ZNF536: variants seen among roughly 807,000 people sequenced by gnomAD.
The protein encoded by ZNF536 is zinc finger protein 536.
In ZNF536, 13 loss-of-function variants were observed where a neutral mutation model predicts 84.5. The ratio of observed to expected loss-of-function variants is 0.15; its 90% CI spans 0.10 to 0.24. ZNF536 has a LOEUF of 0.24. Ranked by LOEUF, ZNF536 falls within the 10% of genes least tolerant of loss-of-function variation. ZNF536 has a pLI of 1.00. For missense variants in ZNF536, 1,536 were observed against 1,747.5 expected (o/e 0.88, Z 2.16); for synonymous variants, 811 against 742.5 (o/e 1.09, Z -1.50).
chr19:30,636,487 C>CTCCT (rs2147288330), intron 1 of ZNF536, among the ~76,000 whole-genome samples: 1 of 152,292 alleles, frequency 6.6e-6, no homozygotes, highest in South Asian at 2.1e-4. Context: ...AAGAGGCTCC[C>CTCCT]TCCTTCCTTC....
chr19:30,240,171 C>G (rs1216904418), intron 1 of ZNF536, among the ~76,000 whole-genome samples: 1 of 152,060 alleles, frequency 6.6e-6, no homozygotes, highest in Non-Finnish European at 1.5e-5. Flanking sequence ...GAGATCGACA[C>G]CAGCCTGGCC....
chr19:30,668,353 C>T (rs1039349726), intron 1 of ZNF536, among the ~76,000 whole-genome samples: 1 of 152,144 alleles, frequency 6.6e-6, no homozygotes, highest in African/African-American at 2.4e-5. Context: ...ATCAGGGGCC[C>T]CTTCTAGAAT....
chr19:30,486,620 A>G (rs1291479296), intron 2 of ZNF536, among the ~76,000 whole-genome samples: 1 of 152,152 alleles, frequency 6.6e-6, no homozygotes. Flanking sequence ...TATACCTAGT[A>G]ATGAGATTGC....
intron 2 of ZNF536, among the ~76,000 whole-genome samples, chr19:30,484,691 T>C (rs955232567): frequency 2.0e-5 from 3 of 151,570 alleles, no homozygotes; most frequent in Non-Finnish European, 4.4e-5. Flanking sequence ...TCTTCTTTTT[T>C]TTTTTTTGTC....
At chr19:30,234,513 C>T (rs1364294624) in intron 1 of ZNF536, among the ~76,000 whole-genome samples, 4 of 151,352 alleles carry the variant, frequency 2.6e-5, no homozygotes, top group African/African-American at 4.9e-5. Flanking sequence ...GGGGTCCTCC[C>T]GCCTCAGCCT....
chr19:30,695,224 C>A (rs1184738666), intron 1 of ZNF536, among the ~76,000 whole-genome samples: 1 of 152,026 alleles, frequency 6.6e-6, no homozygotes, highest in African/African-American at 2.4e-5. Context: ...GGAGGTGTGG[C>A]CTGCACGGAG....
exon 2 of ZNF536, chr19:30,711,709 G>A (rs1376992164): frequency 6.6e-6 from 1 of 152,134 alleles, no homozygotes; most frequent in East Asian, 1.9e-4. Context: ...CAGGTTTGAT[G>A]AGTAATTCCT....
At chr19:30,514,792 G>A (rs1475764896) in intron 2 of ZNF536, among the ~76,000 whole-genome samples, 1 of 151,970 alleles carries the variant, frequency 6.6e-6, no homozygotes, top group Non-Finnish European at 1.5e-5. Context: ...GCAACGTGAG[G>A]ACCCCTCATT....
At chr19:30,406,548 T>G (rs962470726) in intron 1 of ZNF536, among the ~76,000 whole-genome samples, 2 of 152,180 alleles carry the variant, frequency 1.3e-5, no homozygotes, top group African/African-American at 4.8e-5. Flanking sequence ...GAAATGCGTA[T>G]TTTTAGCTCC....
At chr19:30,254,247 C>T (rs1310192289) in intron 1 of ZNF536, among the ~76,000 whole-genome samples, 6 of 152,192 alleles carry the variant, frequency 3.9e-5, no homozygotes, top group Non-Finnish European at 7.3e-5. Context: ...CACTATCTCT[C>T]CCCTGGTGCT....
chr19:30,463,773 T>C (rs896756965), intron 2 of ZNF536, among the ~76,000 whole-genome samples: 1 of 152,100 alleles, frequency 6.6e-6, no homozygotes, highest in Non-Finnish European at 1.5e-5. Context: ...TGGTGGGGGT[T>C]ATTGTGAGCT....
intron 3 of ZNF536, among the ~76,000 whole-genome samples, chr19:30,361,790 C>T (rs2048282926): frequency 7.9e-6 from 1 of 126,058 alleles, no homozygotes; most frequent in Non-Finnish European, 1.6e-5. Context: ...CTGCGGGCGG[C>T]CTGGCAAGGC....
At chr19:30,522,045 C>T (rs945956632) in intron 2 of ZNF536, among the ~76,000 whole-genome samples, 3 of 151,516 alleles carry the variant, frequency 2.0e-5, no homozygotes, top group South Asian at 2.1e-4. Context: ...AACACTGGAC[C>T]GGGAGGGCCA....
At chr19:30,691,118 G>A (rs1024499625) in intron 1 of ZNF536, among the ~76,000 whole-genome samples, 1 of 152,080 alleles carries the variant, frequency 6.6e-6, no homozygotes, top group Non-Finnish European at 1.5e-5. Flanking sequence ...ACAGACCAGA[G>A]GCCTCCCAAC....
chr19:30,335,760 T>C (rs926523500), intron 2 of ZNF536, among the ~76,000 whole-genome samples: 1 of 152,140 alleles, frequency 6.6e-6, no homozygotes, highest in African/African-American at 2.4e-5. Flanking sequence ...TGCCCTCAGA[T>C]CCTAGCCTTG....
At chr19:30,402,665 C>G (rs866722110) in intron 1 of ZNF536, among the ~76,000 whole-genome samples, 9 of 151,520 alleles carry the variant, frequency 5.9e-5, no homozygotes, top group Admixed American at 4.0e-4. Flanking sequence ...CCGCGGCCGA[C>G]GTGGGTTTAA....
chr19:30,600,225 TGA>T (rs2047637635), intron 1 of ZNF536, among the ~76,000 whole-genome samples: 1 of 152,158 alleles, frequency 6.6e-6, no homozygotes, highest in South Asian at 2.1e-4. Flanking sequence ...CCCTAGTAGC[TGA>T]GATTACAGGC....
intron 2 of ZNF536, among the ~76,000 whole-genome samples, chr19:30,480,286 G>T (rs1219412985): frequency 6.6e-6 from 1 of 152,158 alleles, no homozygotes; most frequent in African/African-American, 2.4e-5. Flanking sequence ...ACCTCTCCTT[G>T]CAGGGCAGAC....
At chr19:30,449,882 G>C (rs1018554906) in intron 2 of ZNF536, among the ~76,000 whole-genome samples, 2 of 152,114 alleles carry the variant, frequency 1.3e-5, no homozygotes, top group African/African-American at 4.8e-5. Context: ...GGGCGCTTTC[G>C]CATTTACATG....
Sources: allele counts gnomAD v4.1 joint callset (sites outside exome capture counted in the v4.1 genomes callset), GRCh38; gene constraint gnomAD v4.1.1; transcripts MANE v1.5; gene names NCBI Gene and HGNC (gene_info 2026-07-23, HGNC 2026-07-21).